Variants in RTTN observed in about 807,000 individuals in gnomAD.
RTTN encodes the protein rotatin.
RTTN carries 182 observed loss-of-function variants against 269.2 expected under a neutral mutation model. The ratio of observed to expected loss-of-function variants is 0.68; its 90% CI spans 0.60 to 0.76. The LOEUF is 0.76. Ranked by LOEUF, RTTN falls within the 30% of genes least tolerant of loss-of-function variation. The pLI, the probability that RTTN is intolerant of heterozygous loss-of-function variation, is 0.00. For synonymous variants in RTTN, 1,006 were observed against 963.5 expected (o/e 1.04, Z -0.82); for missense variants, 2,545 against 2,608.6 (o/e 0.98, Z 0.53).
At chr18:70,139,820 A>T (rs1289585787) in intron 20 of RTTN, 104 bp from the exon 21 acceptor site, 1 of 733,728 alleles carries the variant, frequency 1.4e-6, no homozygotes, top group Non-Finnish European at 2.3e-6. Flanking sequence ...GTTTTCATCA[A>T]AATTATCTGA....
In RTTN at chr18:70,051,543, CTT is replaced by C; in HGVS notation, c.5189_5190del (p.Lys1730ArgfsTer15). ...LTICTKDVLDKELISAFYHTW... is the reference protein window; with the variant it reads ...LTICTKDVLDXELISAFYHTW... ...GTGTGATAAAAAGCTGATATTAACT[CTT>C]TATCTATAAAATTAATCAAAACACT... is the stretch of plus-strand genomic sequence containing the variant. On this transcript the variant is annotated frameshift_variant, in exon 39 of 49. Transcript: ENST00000640769. LOFTEE classifies it high-confidence loss of function. 2 of 1,595,598 alleles carry C rather than the reference CTT, an allele frequency of 1.3e-6. No individual in the cohort carries two copies. The highest frequency in any genetic ancestry group is 1.7e-6 in the Non-Finnish European group (2 of 1,167,964).
intron 25 of RTTN, 116 bp from the exon 26 acceptor site, chr18:70,121,816 ACTGT>A: frequency 1.0e-6 from 1 of 989,828 alleles, no homozygotes; most frequent in Non-Finnish European, 1.4e-6. Context: ...TTTATGAGAC[ACTGT>A]TTTAAATGCT....
At chr18:70,007,824 G>A (rs890106992) in intron 46 of RTTN, 2 of 152,424 alleles carry the variant, frequency 1.3e-5, no homozygotes, top group Admixed American at 6.5e-5. Context: ...GCGGCTGTGG[G>A]TGCAGCTTCA....
Position 70,019,046 on chromosome 18 carries a change from T to C in RTTN, c.6154-1372A>G, listed in dbSNP as rs372744805. On this transcript the variant is annotated intron_variant, in intron 45 of 48. Transcript: ENST00000640769. The stretch of plus-strand genomic sequence containing the variant: ...AGTGTTAAGTGTCTGGGCTCATTAT[T>C]ACTTAATGCAGCAGAGGAAGTCTCA... Among the ~76,000 whole-genome samples the C allele has an allele frequency of 2.0e-5, 3 of 152,208 alleles. No individual in the cohort carries two copies. The East Asian group carries it at 5.8e-4, about 29-fold the overall frequency.
intron 32 of RTTN, among the ~76,000 whole-genome samples, chr18:70,084,686 T>C (rs143758671): frequency 2.0e-5 from 3 of 151,758 alleles, no homozygotes; most frequent in East Asian, 1.9e-4. Context: ...GCATACAAGA[T>C]TGTCCTTATT....
chr18:70,119,736 T>C (rs1298274715), intron 26 of RTTN, among the ~76,000 whole-genome samples: 1 of 152,234 alleles, frequency 6.6e-6, no homozygotes, highest in African/African-American at 2.4e-5. Flanking sequence ...CTTGCATATA[T>C]AAGTAACCTT....
chr18:70,173,620 A>C (rs977823212), intron 11 of RTTN, among the ~76,000 whole-genome samples: 3 of 152,162 alleles, frequency 2.0e-5, no homozygotes, highest in Non-Finnish European at 4.4e-5. Context: ...TCTAGTTTTC[A>C]TAATTTCTCC....
At chr18:70,025,473 G>A (rs764206172) in intron 43 of RTTN, among the ~76,000 whole-genome samples, 6 of 152,130 alleles carry the variant, frequency 3.9e-5, no homozygotes, top group Non-Finnish European at 8.8e-5. Context: ...AGAATTCCGA[G>A]GTAATTTGTA....
At chr18:70,014,768 A>C (rs777234213) in intron 46 of RTTN, among the ~76,000 whole-genome samples, 1 of 152,114 alleles carries the variant, frequency 6.6e-6, no homozygotes, top group Non-Finnish European at 1.5e-5. Flanking sequence ...TTGGAGGTCC[A>C]GCTTAATACA....
Position 70,196,597 on chromosome 18 carries a change from C to A in RTTN, c.745G>T (p.Ala249Ser), listed in dbSNP as rs938648413. The A allele has an allele frequency of 2.0e-6, 3 of 1,516,320 alleles. No homozygotes were observed. Among genetic ancestry groups the A allele is most frequent in the Non-Finnish European group, 2.6e-6 (3 of 1,136,586 alleles). The allele number at this position is 1,516,320 out of a possible 1,614,324, so 93.9% of individuals were successfully genotyped here. The change falls in exon 7 of 49, where the codon GCA (alanine) becomes TCA (serine). Residue 249 changes from alanine to serine, a missense_variant. Transcript: ENST00000640769. Reference sequence around the variant, plus strand: ...TGCAGGCAGGACACCGACTGTAATGCCAGGCGATGCTTTCCATCTCCAAAG... The same window carrying A: ...TGCAGGCAGGACACCGACTGTAATGACAGGCGATGCTTTCCATCTCCAAAG... ...LAFGDGKHRL[A>S]LQSVSCLQQL...
chr18:70,034,974 A>T (rs1120728), intron 40 of RTTN, among the ~76,000 whole-genome samples: 118,661 of 152,150 alleles, frequency 0.78, 52,336 homozygotes, highest in East Asian at 1. Flanking sequence ...ATAAAATAAA[A>T]CAAAATGCAA....
intron 42 of RTTN, 90 bp downstream of exon 42, chr18:70,029,922 C>A (rs2056963779): frequency 1.2e-6 from 1 of 832,728 alleles, no homozygotes; most frequent in Admixed American, 2.2e-5. Context: ...CTAAATGAGA[C>A]ACTCATTTCA....
chr18:70,115,392 A>T (rs1316852295), intron 26 of RTTN, among the ~76,000 whole-genome samples: 1 of 151,948 alleles, frequency 6.6e-6, no homozygotes, highest in African/African-American at 2.4e-5. Context: ...ACTAAAAAAA[A>T]AATAGATAAA....
At chr18:70,073,308 GGGAA>G (rs980403560) in intron 34 of RTTN, among the ~76,000 whole-genome samples, 5 of 152,024 alleles carry the variant, frequency 3.3e-5, no homozygotes, top group African/African-American at 1.2e-4. Context: ...TGAATGAAAG[GGGAA>G]GGAAAGAAGG....
chr18:70,036,677 T>C (rs2057181743), intron 40 of RTTN, among the ~76,000 whole-genome samples: 1 of 152,132 alleles, frequency 6.6e-6, no homozygotes, highest in Non-Finnish European at 1.5e-5. Flanking sequence ...AACCTACACA[T>C]GTACCCCGAA....
At chr18:70,198,263 C>T (rs1343564186) in intron 5 of RTTN, among the ~76,000 whole-genome samples, 5 of 152,104 alleles carry the variant, frequency 3.3e-5, no homozygotes, top group African/African-American at 4.8e-5. Flanking sequence ...GTTCACTCCC[C>T]ACCCCAAAAA....
chr18:70,117,665 A>G lies in RTTN; in HGVS notation c.3529-3066T>C, dbSNP rs562588653. ...CTTGTAGGAATTTAATTTTAATTTC[A>G]TAACTATGAATAAATTATAAAATAT... On this transcript the variant is annotated intron_variant, in intron 26 of 48. Transcript: ENST00000640769. Among the ~76,000 whole-genome samples, 5 of 152,192 alleles carry G rather than the reference A, an allele frequency of 3.3e-5. No homozygotes were observed. The South Asian group carries it at 8.3e-4, about 25-fold the overall frequency.
At chr18:70,184,844 G>A (rs533979931) in intron 10 of RTTN, among the ~76,000 whole-genome samples, 15 of 146,170 alleles carry the variant, frequency 1.0e-4, no homozygotes, top group Admixed American at 3.4e-4. Flanking sequence ...ACAGTGATCC[G>A]AGATGGCGCC....
At chr18:70,074,156 C>CT (rs1192367153) in intron 33 of RTTN, among the ~76,000 whole-genome samples, 162 bp from the exon 34 acceptor site, 2 of 151,326 alleles carry the variant, frequency 1.3e-5, no homozygotes, top group African/African-American at 4.9e-5. Context: ...AAAAAAAAAT[C>CT]TAAGGAGAGT....
Sources: allele counts gnomAD v4.1 joint callset (sites outside exome capture counted in the v4.1 genomes callset), GRCh38; gene constraint gnomAD v4.1.1; transcripts MANE v1.5; gene names NCBI Gene and HGNC (gene_info 2026-07-23, HGNC 2026-07-21).